Variants in GUCY1A2 observed in about 807,000 individuals in gnomAD.
GUCY1A2 encodes guanylate cyclase soluble subunit alpha-2.
GUCY1A2 carries 27 observed loss-of-function variants against 63.5 expected under a neutral mutation model. That is an observed-to-expected ratio of 0.43 (90% CI 0.31 to 0.59). The LOEUF is 0.59. GUCY1A2 is among the 20% of genes least tolerant of loss of function. The pLI, the probability that GUCY1A2 is intolerant of heterozygous loss-of-function variation, is 0.11. For synonymous variants in GUCY1A2, 364 were observed against 343.5 expected (o/e 1.06, Z -0.66); for missense variants, 768 against 913.3 (o/e 0.84, Z 2.05).
Position 107,003,455 on chromosome 11 carries a change from C to G in GUCY1A2, c.303+14298G>C, listed in dbSNP as rs897552531. Among the ~76,000 whole-genome samples the G allele has an allele frequency of 4.6e-5, 7 of 152,206 alleles. No homozygotes were observed. In the East Asian group the frequency reaches 9.6e-4, roughly 21 times the overall value. ...TATTTCCCCCTAATTCTCCGTTGTT[C>G]TTATTTTTTTCTCTCTCAGAGTGTT... On this transcript the variant is annotated intron_variant, in intron 1 of 7. Transcript: ENST00000526355.
intron 7 of GUCY1A2, among the ~76,000 whole-genome samples, chr11:106,692,174 G>A (rs1862636660): frequency 6.6e-6 from 1 of 151,970 alleles, no homozygotes; most frequent in Non-Finnish European, 1.5e-5. Context: ...AGCACCTCAG[G>A]GCTGATATGG....
At chr11:106,851,614 A>T (rs2135450884) in intron 4 of GUCY1A2, among the ~76,000 whole-genome samples, 1 of 151,844 alleles carries the variant, frequency 6.6e-6, no homozygotes, top group East Asian at 1.9e-4. Flanking sequence ...TGTATTCTTT[A>T]CCCAATGTAT....
intron 7 of GUCY1A2, among the ~76,000 whole-genome samples, chr11:106,703,353 G>GAATT (rs1565262432): frequency 6.6e-6 from 1 of 152,108 alleles, no homozygotes; most frequent in Admixed American, 6.5e-5. Flanking sequence ...GGTGCAGATG[G>GAATT]AATTAAGATT....
chr11:106,836,411 A>T (rs1859118247), intron 4 of GUCY1A2, among the ~76,000 whole-genome samples: 1 of 152,020 alleles, frequency 6.6e-6, no homozygotes, highest in Non-Finnish European at 1.5e-5. Context: ...CAATACCATA[A>T]GTTTACATTG....
chr11:106,852,755 G>T (rs1252310903), intron 4 of GUCY1A2, among the ~76,000 whole-genome samples: 2 of 152,014 alleles, frequency 1.3e-5, no homozygotes, highest in African/African-American at 4.8e-5. Context: ...AGGAATATTG[G>T]CCTGTACTTT....
chr11:106,988,174 A>G (rs1265410447), intron 1 of GUCY1A2, among the ~76,000 whole-genome samples: 1 of 152,236 alleles, frequency 6.6e-6, no homozygotes, highest in Admixed American at 6.5e-5. Flanking sequence ...TGAATCAGAC[A>G]TAGTGATCCT....
chr11:106,886,029 C>T (rs1859896323), intron 4 of GUCY1A2, among the ~76,000 whole-genome samples: 2 of 152,118 alleles, frequency 1.3e-5, no homozygotes, highest in African/African-American at 2.4e-5. Flanking sequence ...AGGATAACTA[C>T]GTGTATCTGG....
intron 4 of GUCY1A2, among the ~76,000 whole-genome samples, chr11:106,856,481 T>C (rs913760601): frequency 3.3e-5 from 5 of 152,124 alleles, no homozygotes; most frequent in Admixed American, 1.3e-4. Context: ...TTTCCTTATC[T>C]ACAACTCAGA....
At chr11:106,913,988 A>G (rs1172093101) in intron 4 of GUCY1A2, among the ~76,000 whole-genome samples, 1 of 111,732 alleles carries the variant, frequency 8.9e-6, no homozygotes, top group African/African-American at 3.4e-5. Context: ...TGAAAAAGCA[A>G]AAAAAAAAAA....
rs899612174 is a variant in GUCY1A2, at chr11:106,678,165, C to G, written c.*9384G>C. 1.0e-5 allele frequency: 2 copies of G among 196,866 alleles called. No homozygotes were observed. The highest frequency in any genetic ancestry group is 1.2e-4 in the Admixed American group (2 of 16,440). The allele number at this position is 196,866 out of a possible 1,614,324, so 12.2% of individuals were successfully genotyped here. On this transcript the variant is annotated 3_prime_UTR_variant, in exon 8 of 8. Coordinates refer to ENST00000526355, the MANE Select transcript of GUCY1A2 (RefSeq NM_000855.3). ...AATTACTTTAGATAATTATACAGTC[C>G]TCTAGTTTATCTAGACCTTCTTGGC...
chr11:106,984,073 T>A (rs952215821), intron 2 of GUCY1A2, among the ~76,000 whole-genome samples: 1 of 152,000 alleles, frequency 6.6e-6, no homozygotes, highest in Admixed American at 6.6e-5. Flanking sequence ...AAGTCATCAA[T>A]GAGAAAAAAG....
intron 6 of GUCY1A2, among the ~76,000 whole-genome samples, chr11:106,737,104 C>T: frequency 6.6e-6 from 1 of 152,208 alleles, no homozygotes; most frequent in South Asian, 2.1e-4. Flanking sequence ...ACTGTCATTG[C>T]TTTTCATTGT....
intron 4 of GUCY1A2, among the ~76,000 whole-genome samples, chr11:106,928,175 A>G (rs762922224): frequency 1.3e-5 from 2 of 152,188 alleles, no homozygotes; most frequent in Non-Finnish European, 2.9e-5. Flanking sequence ...CACAGAGAGA[A>G]AGAGATTCCC....
At chr11:106,781,565 GT>G (rs1245550047) in intron 5 of GUCY1A2, among the ~76,000 whole-genome samples, 2 of 151,812 alleles carry the variant, frequency 1.3e-5, no homozygotes, top group African/African-American at 4.8e-5. Flanking sequence ...CATTCACCTT[GT>G]TTTTTTGTTT....
At chr11:106,970,915 A>G (rs1861185200) in intron 3 of GUCY1A2, among the ~76,000 whole-genome samples, 1 of 152,128 alleles carries the variant, frequency 6.6e-6, no homozygotes, top group Non-Finnish European at 1.5e-5. Flanking sequence ...GCTCTCTGCC[A>G]AAGACATGGA....
At chr11:106,746,571 T>G in intron 6 of GUCY1A2, 1 of 1,593,458 alleles carries the variant, frequency 6.3e-7, no homozygotes, top group Non-Finnish European at 8.5e-7. Context: ...CCCAAATCCG[T>G]TTCACTTTGA....
At chr11:106,722,396 GC>G (rs1177064755) in intron 6 of GUCY1A2, among the ~76,000 whole-genome samples, 1 of 151,546 alleles carries the variant, frequency 6.6e-6, no homozygotes, top group Non-Finnish European at 1.5e-5. Flanking sequence ...GTTAATGGCT[GC>G]AAAAAGAAAA....
At chr11:106,700,169 A>G (rs1862795067) in intron 7 of GUCY1A2, among the ~76,000 whole-genome samples, 1 of 152,162 alleles carries the variant, frequency 6.6e-6, no homozygotes, top group Non-Finnish European at 1.5e-5. Flanking sequence ...TAGCAATTAG[A>G]CCTTTAAGAG....
At chr11:106,854,381 C>A (rs1271852862) in intron 4 of GUCY1A2, among the ~76,000 whole-genome samples, 3 of 152,106 alleles carry the variant, frequency 2.0e-5, no homozygotes, top group East Asian at 1.9e-4. Context: ...GGGAAGTGCA[C>A]ATGTGCAGTG....
Sources: allele counts gnomAD v4.1 joint callset (sites outside exome capture counted in the v4.1 genomes callset), GRCh38; gene constraint gnomAD v4.1.1; transcripts MANE v1.5; gene names NCBI Gene and HGNC (gene_info 2026-07-23, HGNC 2026-07-21).